The following IFI16 variants were observed in gnomAD, a reference collection of about 807,000 sequenced individuals.
IFI16 encodes gamma-interferon-inducible protein 16.
A neutral mutation model predicts 68.4 loss-of-function variants in IFI16; 49 were observed. The ratio of observed to expected loss-of-function variants is 0.72; its 90% CI spans 0.57 to 0.91. IFI16 has a LOEUF of 0.91. Ranked by LOEUF, IFI16 falls within the 40% of genes least tolerant of loss-of-function variation. The pLI is 0.00. For synonymous variants in IFI16, 307 were observed against 315.0 expected, an observed-to-expected ratio of 0.97 and a Z score of 0.27; for missense variants, 878 against 942.9, an observed-to-expected ratio of 0.93 and a Z score of 0.90.
At chr1:159,051,459 T>C (rs1429080418) in intron 9 of IFI16, among the ~76,000 whole-genome samples, 1 of 152,192 alleles carries the variant, frequency 6.6e-6, no homozygotes, top group East Asian at 1.9e-4. Context: ...CCTTCCACTC[T>C]CATAAAACAA....
rs1313813450 is a variant in IFI16 at position 159,051,958 on chromosome 1, C to G, written c.1945C>G (p.Leu649Val). 6.2e-7 allele frequency: 1 copy of G among 1,614,090 alleles called. No homozygotes were observed. Among genetic ancestry groups the G allele is most frequent in the African/African-American group, 1.3e-5 (1 of 75,034 alleles). The change falls in exon 10 of 12, where the codon CTT (leucine) becomes GTT (valine). Residue 649 changes from leucine (L) to valine (V), a missense_variant. Transcript: ENST00000295809. Reference protein sequence around the residue: ...NGFLEVYPFTLVADVNADRNM... With the variant: ...NGFLEVYPFTVVADVNADRNM... ...GTTCCTGGAGGTATATCCTTTCACA[C>G]TTGTGGCTGATGTGAATGCTGACCG...
At chr1:159,050,148 AC>A (rs2101926850) in intron 9 of IFI16, among the ~76,000 whole-genome samples, 1 of 152,284 alleles carries the variant, frequency 6.6e-6, no homozygotes, top group South Asian at 2.1e-4. Flanking sequence ...TTTTTCCATA[AC>A]CCATGTTTTT....
At chr1:159,000,146 T>C (rs41264051) in exon 1 of IFI16, 8,177 of 180,668 alleles carry the variant, frequency 0.045, 478 homozygotes, top group East Asian at 0.25. Flanking sequence ...GCAGACACCA[T>C]GCCAGCGTTT....
At chr1:159,050,406 A>G (rs1655274654) in intron 9 of IFI16, among the ~76,000 whole-genome samples, 1 of 152,148 alleles carries the variant, frequency 6.6e-6, no homozygotes, top group South Asian at 2.1e-4. Flanking sequence ...ACCTTGTGTC[A>G]GGGTACTGAT....
intron 5 of IFI16, among the ~76,000 whole-genome samples, chr1:159,019,263 A>AG (rs60403057): frequency 2.7e-5 from 4 of 147,438 alleles, no homozygotes; most frequent in African/African-American, 1.0e-4. Context: ...ATAAATAACA[A>AG]AAAAAAAAAA....
chr1:159,009,628 G>A (rs558935450), upstream of IFI16, among the ~76,000 whole-genome samples: 20 of 152,150 alleles, frequency 1.3e-4, no homozygotes, highest in Non-Finnish European at 2.2e-4. Context: ...TTCAGCTATC[G>A]AATTTTGTAA....
At chr1:159,030,379 C>T (rs536945607) in intron 6 of IFI16, among the ~76,000 whole-genome samples, 32 of 152,126 alleles carry the variant, frequency 2.1e-4, no homozygotes, top group Non-Finnish European at 2.9e-4. Flanking sequence ...CTTGTTTTGA[C>T]ATATTACCAG....
At chr1:159,024,630 G>T (rs755841720) in intron 6 of IFI16, among the ~76,000 whole-genome samples, 3 of 152,128 alleles carry the variant, frequency 2.0e-5, no homozygotes, top group Non-Finnish European at 2.9e-5. Flanking sequence ...TGAGTGCTAC[G>T]GGTAATTGTG....
chr1:159,027,586 A>T (rs1003528131), intron 6 of IFI16, among the ~76,000 whole-genome samples: 3 of 152,188 alleles, frequency 2.0e-5, no homozygotes, highest in Non-Finnish European at 2.9e-5. Flanking sequence ...ATCTTGTGAA[A>T]TAATGTCAAT....
upstream of IFI16, chr1:159,006,018 T>C (rs1652242865): frequency 6.6e-6 from 1 of 152,200 alleles, no homozygotes; most frequent in Non-Finnish European, 1.5e-5. Flanking sequence ...ACTTCTCTTG[T>C]TCCCGCTTAA....
chr1:159,018,804 A>C (rs1203145748), intron 5 of IFI16, among the ~76,000 whole-genome samples, 153 bp downstream of exon 5: 1 of 152,244 alleles, frequency 6.6e-6, no homozygotes, highest in Non-Finnish European at 1.5e-5. Context: ...TCTGAAGATA[A>C]GACTGGGATT....
intron 8 of IFI16, among the ~76,000 whole-genome samples, chr1:159,046,783 C>T (rs955479561): frequency 2.0e-5 from 3 of 151,318 alleles, no homozygotes; most frequent in Non-Finnish European, 4.4e-5. Context: ...TAATACCCTC[C>T]TCCCAGAATA....
At chr1:159,050,263 C>A (rs1324339389) in intron 9 of IFI16, among the ~76,000 whole-genome samples, 1 of 151,962 alleles carries the variant, frequency 6.6e-6, no homozygotes, top group Non-Finnish European at 1.5e-5. Context: ...TAAAAATGAT[C>A]ATTTTTTATT....
intron 4 of IFI16, 127 bp downstream of exon 4, chr1:159,016,827 C>A: frequency 1.2e-6 from 1 of 825,928 alleles, no homozygotes; most frequent in Non-Finnish European, 2.0e-6. Context: ...TGAGAAACCA[C>A]TACATTTTGA....
intron 6 of IFI16, among the ~76,000 whole-genome samples, chr1:159,030,594 A>G (rs921565030): frequency 5.3e-5 from 8 of 152,308 alleles, no homozygotes; most frequent in African/African-American, 1.9e-4. Flanking sequence ...TCCAGGCTCC[A>G]GGCTGGTACT....
intron 7 of IFI16, among the ~76,000 whole-genome samples, chr1:159,041,112 A>G (rs1251476561): frequency 1.3e-5 from 2 of 152,218 alleles, no homozygotes; most frequent in Admixed American, 6.5e-5. Flanking sequence ...CCACTTTTTC[A>G]GCTAACGGTG....
chr1:159,050,526 CA>C (rs1655288316), intron 9 of IFI16, among the ~76,000 whole-genome samples: 1 of 152,162 alleles, frequency 6.6e-6, no homozygotes, highest in African/African-American at 2.4e-5. Flanking sequence ...TTAAGTCCAT[CA>C]GAGTTAAAGC....
chr1:159,029,038 G>A (rs1335827864), intron 6 of IFI16, among the ~76,000 whole-genome samples: 4 of 152,184 alleles, frequency 2.6e-5, no homozygotes, highest in African/African-American at 9.7e-5. Context: ...GCCATTTGCT[G>A]CCTAAATACC....
intron 1 of IFI16, among the ~76,000 whole-genome samples, chr1:159,011,411 T>C (rs1652552157): frequency 6.6e-6 from 1 of 151,836 alleles, no homozygotes; most frequent in East Asian, 1.9e-4. Flanking sequence ...TTTTTCTTTG[T>C]AGTGCTCTCA....
Sources: gnomAD v4.1 joint callset for allele counts (sites outside exome capture counted in the v4.1 genomes callset) on GRCh38, gnomAD v4.1.1 for gene constraint, MANE v1.5 for transcripts, NCBI Gene and HGNC (gene_info 2026-07-23, HGNC 2026-07-21) for gene names.